The following NCS1 variants were observed in gnomAD, a reference collection of about 807,000 sequenced individuals.
NCS1 encodes neuronal calcium sensor 1.
Under a neutral mutation model 28.4 loss-of-function variants are expected in NCS1, and 6 were observed. The ratio of observed to expected loss-of-function variants is 0.21; its 90% CI spans 0.12 to 0.42. The LOEUF (loss-of-function observed/expected upper bound fraction) is 0.42. Among genes scored for constraint, NCS1 ranks in the 10% least tolerant of loss-of-function variants. The pLI, the probability that NCS1 is intolerant of heterozygous loss-of-function variation, is 1.00. For missense variants in NCS1, 131 were observed against 241.4 expected (o/e 0.54, Z 3.03); for synonymous variants, 86 against 99.3 (o/e 0.87, Z 0.79).
chr9:130,230,618 A>G (rs1554911954), intron 7 of NCS1, among the ~76,000 whole-genome samples: 1 of 152,020 alleles, frequency 6.6e-6, no homozygotes, highest in Non-Finnish European at 1.5e-5. Flanking sequence ...CTGAGGCAGG[A>G]GGATCCCTTG....
chr9:130,219,611 T>A lies in NCS1; in HGVS notation c.229-114T>A. 1.1e-6 allele frequency: 1 copy of A among 887,640 alleles called. No individual in the cohort carries two copies. Among genetic ancestry groups the A allele is most frequent in the East Asian group, 2.7e-5 (1 of 36,448 alleles). 55.0% of individuals were successfully genotyped at this position (887,640 alleles called of 1,614,324 possible). ...CGAGCCTGCCCTCTCCACCTGAGTG[T>A]CCATTGGCCACAGTGTCTGGAGCCT... is the stretch of plus-strand genomic sequence containing the variant. On this transcript the variant is annotated intron_variant, in intron 3 of 7. Coordinates refer to ENST00000372398, the MANE Select transcript of NCS1 (RefSeq NM_014286.4). This position sits in a 1 kb window ranked among gnomAD's most constrained non-coding sequence, Gnocchi z 5.7.
chr9:130,217,069 C>G (rs533022881), intron 2 of NCS1, among the ~76,000 whole-genome samples: 1 of 152,202 alleles, frequency 6.6e-6, no homozygotes, highest in African/African-American at 2.4e-5. Context: ...CTGATACCAA[C>G]AAGAGGGGTA....
chr9:130,221,407 TATATATAGAGAGAGAG>T (rs1448102752), intron 4 of NCS1, among the ~76,000 whole-genome samples: 51 of 42,706 alleles, frequency 1.2e-3, no homozygotes, highest in African/African-American at 3.8e-3. Context: ...TATATATATA[TATATATAGAGAGAGAG>T]AGAGAGAGAG....
chr9:130,188,964 G>A (rs570796767), intron 1 of NCS1, among the ~76,000 whole-genome samples: 1 of 148,968 alleles, frequency 6.7e-6, no homozygotes, highest in East Asian at 2.0e-4. Context: ...TGATCCGCCC[G>A]TCTTGGTCTC....
intron 2 of NCS1, 146 bp downstream of exon 2, chr9:130,201,128 A>G (rs1832942266): frequency 8.8e-7 from 1 of 1,139,232 alleles, no homozygotes. Flanking sequence ...GCCTTTGTTC[A>G]GTGGCCTTTG....
chr9:130,183,422 A>G (rs1430685192), intron 1 of NCS1, among the ~76,000 whole-genome samples: 3 of 152,150 alleles, frequency 2.0e-5, no homozygotes, highest in Non-Finnish European at 4.4e-5. Context: ...TGTGCTCTGG[A>G]TTCCCTGGCA....
At chr9:130,211,223 C>T (rs1301611457) in intron 2 of NCS1, among the ~76,000 whole-genome samples, 1 of 151,640 alleles carries the variant, frequency 6.6e-6, no homozygotes, top group Non-Finnish European at 1.5e-5. Flanking sequence ...TATTCACAAT[C>T]ATAATGATAA....
At chr9:130,173,292 G>T (rs1554904305) in intron 1 of NCS1, among the ~76,000 whole-genome samples, 1 of 152,032 alleles carries the variant, frequency 6.6e-6, no homozygotes, top group Non-Finnish European at 1.5e-5. Context: ...GCACTTACAG[G>T]CTGGATTCTC....
chr9:130,176,202 T>TTCTTTCTTTCTTTCTTTCTTTCTTTC (rs1816034257), intron 1 of NCS1, among the ~76,000 whole-genome samples: 2 of 77,946 alleles, frequency 2.6e-5, no homozygotes, highest in African/African-American at 4.4e-5. Context: ...TTCTTTTTTT[T>TTCTTTCTTTCTTTCTTTCTTTCTTTC]TTTTTTTGGA....
rs546764408 is a variant in NCS1 at position 130,177,174 on chromosome 9, C to T, written c.64+4447C>T. ...CCCACGGCTGACGCCTCTGTGACCCCGAGCAGAGGACGGGTCCCTGGCTCC... is the reference window on the plus strand; with the variant it reads ...CCCACGGCTGACGCCTCTGTGACCCTGAGCAGAGGACGGGTCCCTGGCTCC... On this transcript the variant is annotated intron_variant, in intron 1 of 7. Transcript: ENST00000372398. The surrounding 1 kb of genome is among the most constrained non-coding windows in gnomAD (Gnocchi z 4.4). Among the ~76,000 whole-genome samples the T allele has an allele frequency of 7.9e-5, 12 of 152,344 alleles. No individual in the cohort carries two copies. Among genetic ancestry groups the T allele is most frequent in the South Asian group, 4.1e-4 (2 of 4,826 alleles).
At position 130,232,938 on chromosome 9, in the gene NCS1, C is replaced by T. The variant is rs1833517377; in HGVS notation, c.*18-52C>T. On this transcript the variant is annotated intron_variant, in intron 7 of 7. Transcript: ENST00000372398. This position sits in a 1 kb window ranked among gnomAD's most constrained non-coding sequence, Gnocchi z 4.4. ...TATCCTCCGTGGCCAGACCTTAACCCCTATCCGCTGTGGCTGGATCTTAAC... is the reference window on the plus strand; with the variant it reads ...TATCCTCCGTGGCCAGACCTTAACCTCTATCCGCTGTGGCTGGATCTTAAC... The T allele has an allele frequency of 6.5e-6, 1 of 152,808 alleles. No homozygotes were observed. The highest frequency in any genetic ancestry group is 2.1e-4 in the South Asian group (1 of 4,832). 9.5% of individuals were successfully genotyped at this position (152,808 alleles called of 1,614,324 possible). A position where few individuals can be genotyped will look rare whatever the true frequency, so the allele number is the denominator to read the frequency against.
chr9:130,191,724 C>T lies in NCS1; in HGVS notation c.65-9234C>T, dbSNP rs868974827. 1.1e-4 allele frequency among the ~76,000 whole-genome samples: 17 copies of T among 152,250 alleles called. No individual in the cohort carries two copies. Among genetic ancestry groups the T allele is most frequent in the Admixed American group, 4.6e-4 (7 of 15,290 alleles). On this transcript the variant is annotated intron_variant, in intron 1 of 7. Coordinates refer to ENST00000372398, the MANE Select transcript of NCS1 (RefSeq NM_014286.4). The surrounding 1 kb of genome is among the most constrained non-coding windows in gnomAD (Gnocchi z 6.4). ...GTCAGCACCCGATGGCGACAGTGGC[C>T]GTCACAGCTGCTCACTGCTGCACAT...
intron 7 of NCS1, among the ~76,000 whole-genome samples, chr9:130,228,349 TA>T (rs148379712): frequency 0.047 from 6,995 of 148,332 alleles, 516 homozygotes; most frequent in African/African-American, 0.16. Context: ...CTGGCTAATT[TA>T]AAAAAAAAAG....
intron 1 of NCS1, among the ~76,000 whole-genome samples, chr9:130,190,016 T>A (rs1388497971): frequency 7.9e-6 from 1 of 126,612 alleles, no homozygotes; most frequent in African/African-American, 3.3e-5. Flanking sequence ...AGGGGGTAGT[T>A]CTTGTATGTT....
chr9:130,228,182 TTTTC>T (rs1554911676), intron 7 of NCS1, among the ~76,000 whole-genome samples: 3 of 151,634 alleles, frequency 2.0e-5, no homozygotes, highest in African/African-American at 7.3e-5. Flanking sequence ...CACTTTTTCT[TTTTC>T]TTTCTTTTTT....
chr9:130,228,671 CT>C (rs202118811), intron 7 of NCS1, among the ~76,000 whole-genome samples: 301 of 141,530 alleles, frequency 2.1e-3, no homozygotes, highest in Middle Eastern at 3.5e-3. Flanking sequence ...TTCTTTCTTT[CT>C]TTTTTTTTTT....
chr9:130,198,769 G>A (rs1441784548), intron 1 of NCS1, among the ~76,000 whole-genome samples: 6 of 152,280 alleles, frequency 3.9e-5, no homozygotes, highest in African/African-American at 9.6e-5. Context: ...CTGTGGGGCC[G>A]GATTTGAACC....
rs1332911169 is a variant in NCS1, at chr9:130,226,646, A to C, written c.*17+142A>C. Reference sequence around the variant, plus strand: ...GCCTAGCAGGGACATAGCTGGGAGGAGGAGGCTGGAAGGGGGGCCTTCAAA... The same window carrying C: ...GCCTAGCAGGGACATAGCTGGGAGGCGGAGGCTGGAAGGGGGGCCTTCAAA... On this transcript the variant is annotated intron_variant, in intron 7 of 7. Transcript: ENST00000372398. This position sits in a 1 kb window ranked among gnomAD's most constrained non-coding sequence, Gnocchi z 4.8. 22 of 621,428 alleles carry C rather than the reference A, an allele frequency of 3.5e-5. No individual in the cohort carries two copies. The highest frequency in any genetic ancestry group is 5.9e-5 in the Non-Finnish European group (21 of 354,224). The allele number at this position is 621,428 out of a possible 1,614,324, so 38.5% of individuals were successfully genotyped here.
At chr9:130,207,452 G>A (rs544718120) in intron 2 of NCS1, among the ~76,000 whole-genome samples, 1 of 152,312 alleles carries the variant, frequency 6.6e-6, no homozygotes, top group East Asian at 1.9e-4. Flanking sequence ...GGAGACTGTG[G>A]CCTCCAGTCT....
Sources: gnomAD v4.1 joint callset for allele counts (sites outside exome capture counted in the v4.1 genomes callset) on GRCh38, gnomAD v4.1.1 for gene constraint, Gnocchi (gnomAD v3.1) non-coding constraint, MANE v1.5 for transcripts, NCBI Gene and HGNC (gene_info 2026-07-23, HGNC 2026-07-21) for gene names.